The following TAFA2 variants were observed in gnomAD, a reference collection of about 807,000 sequenced individuals.
The protein encoded by TAFA2 is TAFA chemokine like family member 2, also known as chemokine-like protein TAFA-2.
A neutral mutation model predicts 18.8 loss-of-function variants in TAFA2; 7 were observed. The ratio of observed to expected loss-of-function variants is 0.37; its 90% CI spans 0.21 to 0.70. The LOEUF is 0.70. Ranked by LOEUF, TAFA2 falls within the 30% of genes least tolerant of loss-of-function variation. TAFA2 has a pLI of 0.53. For synonymous variants in TAFA2, 60 were observed against 54.2 expected, an observed-to-expected ratio of 1.11 and a Z score of -0.47; for missense variants, 122 against 158.1, an observed-to-expected ratio of 0.77 and a Z score of 1.23.
intron 1 of TAFA2, among the ~76,000 whole-genome samples, chr12:61,886,996 T>A (rs936600614): frequency 3.9e-5 from 6 of 152,228 alleles, no homozygotes; most frequent in African/African-American, 1.4e-4. Flanking sequence ...TAATGCTTTC[T>A]CAAAAGGCTT....
chr12:61,825,898 C>G (rs1422097659), intron 2 of TAFA2, among the ~76,000 whole-genome samples: 1 of 151,998 alleles, frequency 6.6e-6, no homozygotes, highest in Non-Finnish European at 1.5e-5. Context: ...CCTCCTATCC[C>G]TATTTAAGTC....
chr12:62,072,682 A>T (rs1439789696), intron 1 of TAFA2, among the ~76,000 whole-genome samples: 1 of 152,088 alleles, frequency 6.6e-6, no homozygotes, highest in Non-Finnish European at 1.5e-5. Flanking sequence ...GCTACTTGGG[A>T]GGCTGAGGTA....
chr12:62,250,452 T>C (rs1278874707), intron 1 of TAFA2, among the ~76,000 whole-genome samples: 1 of 152,146 alleles, frequency 6.6e-6, no homozygotes, highest in Non-Finnish European at 1.5e-5. Flanking sequence ...CTTGTTTTAT[T>C]TTTATTGTTC....
At chr12:61,776,814 T>C (rs1032277663) in intron 2 of TAFA2, among the ~76,000 whole-genome samples, 6 of 151,966 alleles carry the variant, frequency 3.9e-5, no homozygotes, top group African/African-American at 7.2e-5. Context: ...ATCTAAACCC[T>C]ATATTGAAAT....
At chr12:61,809,231 A>C (rs531754358) in intron 2 of TAFA2, among the ~76,000 whole-genome samples, 1 of 151,652 alleles carries the variant, frequency 6.6e-6, no homozygotes, top group South Asian at 2.1e-4. Flanking sequence ...CTGATTAGCT[A>C]ACCTCAGGCA....
chr12:61,939,939 A>C (rs2121417937), intron 1 of TAFA2, among the ~76,000 whole-genome samples: 1 of 152,354 alleles, frequency 6.6e-6, no homozygotes, highest in South Asian at 2.1e-4. Flanking sequence ...CTACAGAGAA[A>C]CATGACAATA....
intron 4 of TAFA2, among the ~76,000 whole-genome samples, chr12:61,746,595 T>A (rs552471128): frequency 1.3e-5 from 2 of 151,626 alleles, no homozygotes; most frequent in South Asian, 4.2e-4. Flanking sequence ...GAGACCCACC[T>A]GAGCTACACT....
At chr12:62,217,966 G>GTATGTATTTATT (rs1158472694) in intron 1 of TAFA2, among the ~76,000 whole-genome samples, 1 of 127,516 alleles carries the variant, frequency 7.8e-6, no homozygotes, top group Non-Finnish European at 1.6e-5. Context: ...TTTTATGTAT[G>GTATGTATTTATT]TATTTATTTA....
At chr12:61,987,533 C>T (rs1470725336) in intron 1 of TAFA2, among the ~76,000 whole-genome samples, 2 of 152,098 alleles carry the variant, frequency 1.3e-5, no homozygotes, top group Non-Finnish European at 2.9e-5. Flanking sequence ...TAGAAACTAC[C>T]ATGGAAATAT....
intron 2 of TAFA2, 24 bp from the exon 3 acceptor site, chr12:61,755,048 C>G: frequency 6.2e-7 from 1 of 1,610,798 alleles, no homozygotes; most frequent in Non-Finnish European, 8.5e-7. Context: ...AAAGATAAGA[C>G]AACATTGAGA....
chr12:61,941,122 T>C (rs1877987075), intron 1 of TAFA2, among the ~76,000 whole-genome samples: 1 of 152,206 alleles, frequency 6.6e-6, no homozygotes, highest in South Asian at 2.1e-4. Flanking sequence ...ACAGATCATA[T>C]ATTTGTGATG....
chr12:62,093,632 T>C (rs1185279472), intron 1 of TAFA2, among the ~76,000 whole-genome samples: 3 of 152,030 alleles, frequency 2.0e-5, no homozygotes, highest in Non-Finnish European at 4.4e-5. Flanking sequence ...AGTGATAACC[T>C]TGCAAAGCTG....
intron 1 of TAFA2, among the ~76,000 whole-genome samples, chr12:61,987,525 G>A (rs750129355): frequency 2.0e-5 from 3 of 152,158 alleles, no homozygotes; most frequent in Non-Finnish European, 4.4e-5. Flanking sequence ...GCCTTTGTTA[G>A]AAACTACCAT....
chr12:61,724,870 C>T (rs115397495), intron 4 of TAFA2, among the ~76,000 whole-genome samples: 2,825 of 132,924 alleles, frequency 0.021, 95 homozygotes, highest in African/African-American at 0.077. Context: ...TGTACATCTA[C>T]TTTTAGTTCT....
intron 1 of TAFA2, among the ~76,000 whole-genome samples, chr12:62,069,058 C>A (rs1354715510): frequency 6.6e-6 from 1 of 152,132 alleles, no homozygotes; most frequent in African/African-American, 2.4e-5. Flanking sequence ...ACCTCAATCA[C>A]AAAAGCAGAG....
chr12:62,006,572 A>G (rs1282803613), intron 1 of TAFA2, among the ~76,000 whole-genome samples: 2 of 152,186 alleles, frequency 1.3e-5, no homozygotes, highest in Admixed American at 6.5e-5. Context: ...TTGCTTTACT[A>G]CTAACTAAAG....
chr12:62,187,332 T>C (rs1313327661), intron 1 of TAFA2, among the ~76,000 whole-genome samples: 1 of 152,206 alleles, frequency 6.6e-6, no homozygotes, highest in Non-Finnish European at 1.5e-5. Context: ...AACTCAGTTA[T>C]AAATGACGTT....
At chr12:61,832,197 G>T (rs866900628) in intron 2 of TAFA2, among the ~76,000 whole-genome samples, 9 of 151,962 alleles carry the variant, frequency 5.9e-5, no homozygotes, top group African/African-American at 2.2e-4. Context: ...CCATAAAGCC[G>T]CAGAATAGCA....
At chr12:61,724,436 T>C (rs2120615156) in intron 4 of TAFA2, among the ~76,000 whole-genome samples, 1 of 151,614 alleles carries the variant, frequency 6.6e-6, no homozygotes, top group African/African-American at 2.4e-5. Context: ...TTTTTGGTTA[T>C]GTGGATAAGT....
Sources: gnomAD v4.1 joint callset for allele counts (sites outside exome capture counted in the v4.1 genomes callset) on GRCh38, gnomAD v4.1.1 for gene constraint, MANE v1.5 for transcripts, NCBI Gene and HGNC (gene_info 2026-07-23, HGNC 2026-07-21) for gene names.